ATP8A2: variants seen among roughly 807,000 people sequenced by gnomAD.
ATP8A2 encodes ATPase phospholipid transporting 8A2.
A neutral mutation model predicts 165.6 loss-of-function variants in ATP8A2; 100 were observed. That is an observed-to-expected ratio of 0.60 (90% CI 0.51 to 0.71). The LOEUF (loss-of-function observed/expected upper bound fraction) is 0.71, where lower values mean the gene tolerates loss of function less well. ATP8A2 is among the 30% of genes least tolerant of loss of function. The pLI is 0.00. For missense variants in ATP8A2, 1,227 were observed against 1,479.5 expected (o/e 0.83, Z 2.80); for synonymous variants, 543 against 548.8 (o/e 0.99, Z 0.15).
chr13:25,516,719 C>CT (rs368398672), intron 2 of ATP8A2, among the ~76,000 whole-genome samples: 116 of 144,370 alleles, frequency 8.0e-4, no homozygotes, highest in African/African-American at 2.4e-3. Context: ...TCTCATAACT[C>CT]TTTTTTTTTT....
At chr13:25,398,036 G>A (rs775288783) in intron 1 of ATP8A2, among the ~76,000 whole-genome samples, 10 of 152,140 alleles carry the variant, frequency 6.6e-5, no homozygotes, top group Non-Finnish European at 1.2e-4. Context: ...AGAATAGATG[G>A]TAAATGTCTC....
chr13:25,909,936 T>C (rs1257782162), intron 33 of ATP8A2, among the ~76,000 whole-genome samples: 1 of 152,186 alleles, frequency 6.6e-6, no homozygotes, highest in Non-Finnish European at 1.5e-5. Flanking sequence ...CTGACTGTGT[T>C]TTCTAGGTTC....
At chr13:25,695,493 T>A (rs2042816136) in intron 24 of ATP8A2, among the ~76,000 whole-genome samples, 1 of 152,246 alleles carries the variant, frequency 6.6e-6, no homozygotes, top group Non-Finnish European at 1.5e-5. Flanking sequence ...TGATAGCATT[T>A]ACCCACAGTA....
At chr13:25,591,332 C>G (rs1219472343) in intron 24 of ATP8A2, 1 of 456,584 alleles carries the variant, frequency 2.2e-6, no homozygotes, top group African/African-American at 2.0e-5. Context: ...ACCTCATCCC[C>G]TGGCAGTCAT....
At chr13:25,891,483 C>T (rs1452044169) in intron 33 of ATP8A2, among the ~76,000 whole-genome samples, 8 of 152,050 alleles carry the variant, frequency 5.3e-5, no homozygotes, top group African/African-American at 1.4e-4. Context: ...CCATCATGCC[C>T]GCCTGATTTT....
intron 24 of ATP8A2, among the ~76,000 whole-genome samples, chr13:25,693,583 A>G (rs1163447905): frequency 6.6e-6 from 1 of 152,146 alleles, no homozygotes; most frequent in African/African-American, 2.4e-5. Flanking sequence ...AGAACCAGCC[A>G]TTTTCAAGCA....
intron 33 of ATP8A2, among the ~76,000 whole-genome samples, chr13:25,885,133 G>T (rs56004985): frequency 2.3e-5 from 3 of 132,026 alleles, no homozygotes; most frequent in Admixed American, 8.1e-5. Context: ...TTTTTTTGAG[G>T]TGGAGTCTTG....
chr13:25,629,992 T>C (rs1346866998), intron 24 of ATP8A2, among the ~76,000 whole-genome samples: 1 of 152,178 alleles, frequency 6.6e-6, no homozygotes, highest in African/African-American at 2.4e-5. Flanking sequence ...AAGCTTTGTG[T>C]TGGCAATTTC....
At chr13:25,678,162 G>A (rs2137790436) in intron 24 of ATP8A2, among the ~76,000 whole-genome samples, 1 of 152,284 alleles carries the variant, frequency 6.6e-6, no homozygotes, top group South Asian at 2.1e-4. Context: ...CCTAGCACCT[G>A]TCAAGGCACT....
At chr13:25,751,988 G>A (rs1367404452) in intron 25 of ATP8A2, among the ~76,000 whole-genome samples, 2 of 151,266 alleles carry the variant, frequency 1.3e-5, no homozygotes, top group African/African-American at 4.9e-5. Flanking sequence ...ACAATAGGTA[G>A]TGAGGGCCAG....
chr13:25,817,306 A>G (rs1276445875), intron 27 of ATP8A2, among the ~76,000 whole-genome samples: 2 of 147,534 alleles, frequency 1.4e-5, no homozygotes, highest in African/African-American at 5.0e-5. Flanking sequence ...TTAAAAATCA[A>G]TTTAATTGTG....
chr13:25,837,853 A>C (rs1394784053), intron 29 of ATP8A2, among the ~76,000 whole-genome samples: 1 of 152,310 alleles, frequency 6.6e-6, no homozygotes, highest in South Asian at 2.1e-4. Flanking sequence ...AAAAAAAAGA[A>C]AGATATAGGT....
intron 25 of ATP8A2, among the ~76,000 whole-genome samples, chr13:25,720,575 C>A (rs1048835097): frequency 6.6e-6 from 1 of 152,210 alleles, no homozygotes; most frequent in Non-Finnish European, 1.5e-5. Flanking sequence ...CACCTTCCCT[C>A]AGGTCGTCCA....
chr13:25,628,775 T>C (rs534479822), intron 24 of ATP8A2, among the ~76,000 whole-genome samples: 28 of 152,300 alleles, frequency 1.8e-4, no homozygotes, highest in African/African-American at 6.5e-4. Flanking sequence ...CATGATAGAT[T>C]AGGGCCCACC....
chr13:25,514,738 T>C (rs942925552), intron 2 of ATP8A2, among the ~76,000 whole-genome samples: 3 of 152,162 alleles, frequency 2.0e-5, no homozygotes, highest in African/African-American at 7.2e-5. Context: ...TTCAAATACC[T>C]CCCTTTGCTT....
intron 25 of ATP8A2, among the ~76,000 whole-genome samples, chr13:25,743,971 T>C (rs980838899): frequency 2.6e-5 from 4 of 152,222 alleles, no homozygotes; most frequent in African/African-American, 7.2e-5. Context: ...GTTAATCCTA[T>C]GACTACATCT....
At chr13:25,501,841 C>G (rs1593410677) in intron 2 of ATP8A2, among the ~76,000 whole-genome samples, 1 of 152,150 alleles carries the variant, frequency 6.6e-6, no homozygotes, top group African/African-American at 2.4e-5. Flanking sequence ...GATGGTAGAA[C>G]AGTCCAGATT....
chr13:25,877,116 A>T (rs909322392), intron 33 of ATP8A2, among the ~76,000 whole-genome samples: 5 of 152,132 alleles, frequency 3.3e-5, no homozygotes, highest in African/African-American at 7.2e-5. Context: ...TAATATTCTC[A>T]TACATGATAT....
At chr13:25,925,887 G>A (rs1172692107) in intron 33 of ATP8A2, among the ~76,000 whole-genome samples, 1 of 151,834 alleles carries the variant, frequency 6.6e-6, no homozygotes, top group Non-Finnish European at 1.5e-5. Flanking sequence ...CACCATGCCT[G>A]CCTAATTTTT....
Sources: gnomAD v4.1 joint callset for allele counts (sites outside exome capture counted in the v4.1 genomes callset) on GRCh38, gnomAD v4.1.1 for gene constraint, MANE v1.5 for transcripts, NCBI Gene and HGNC (gene_info 2026-07-23, HGNC 2026-07-21) for gene names.